The following IFI16 variants were observed in gnomAD, a reference collection of about 807,000 sequenced individuals.
IFI16 encodes the protein interferon gamma inducible protein 16.
IFI16 carries 49 observed loss-of-function variants against 68.4 expected under a neutral mutation model. The ratio of observed to expected loss-of-function variants is 0.72; its 90% CI spans 0.57 to 0.91. IFI16 has a LOEUF of 0.91. Among genes scored for constraint, IFI16 ranks in the 40% least tolerant of loss-of-function variants. The probability of loss-of-function intolerance (pLI) is 0.00; values close to 1 mark genes in which losing one functional copy is unlikely to be tolerated. For synonymous variants in IFI16, 307 were observed against 315.0 expected (o/e 0.97, Z 0.27); for missense variants, 878 against 942.9 (o/e 0.93, Z 0.90).
chr1:159,012,021 G>GATAT, intron 1 of IFI16, among the ~76,000 whole-genome samples: 1 of 151,884 alleles, frequency 6.6e-6, no homozygotes, highest in Non-Finnish European at 1.5e-5. Context: ...TATTTGATCA[G>GATAT]GGTTTTCTTT....
At chr1:159,024,897 T>C (rs1014904408) in intron 6 of IFI16, among the ~76,000 whole-genome samples, 5 of 152,170 alleles carry the variant, frequency 3.3e-5, no homozygotes, top group Admixed American at 6.5e-5. Context: ...AGAAGATGTT[T>C]TCTTGACTCA....
At chr1:159,001,862 C>T (rs180726659), upstream of IFI16, among the ~76,000 whole-genome samples, 11 of 152,232 alleles carry the variant, frequency 7.2e-5, no homozygotes, top group Admixed American at 2.6e-4. Flanking sequence ...AAAATGTATA[C>T]CCAAAGAAAA....
At chr1:159,046,834 T>C (rs1655017797) in intron 8 of IFI16, among the ~76,000 whole-genome samples, 1 of 151,414 alleles carries the variant, frequency 6.6e-6, no homozygotes, top group African/African-American at 2.4e-5. Context: ...GGTACCTTTC[T>C]ATTTCTTTAG....
chr1:159,037,004 AG>A (rs1654362324), intron 7 of IFI16, among the ~76,000 whole-genome samples: 1 of 152,174 alleles, frequency 6.6e-6, no homozygotes. Flanking sequence ...TGTCGTATAG[AG>A]CTACCTATCA....
At chr1:159,031,421 C>T (rs1432877280) in intron 6 of IFI16, among the ~76,000 whole-genome samples, 1 of 152,178 alleles carries the variant, frequency 6.6e-6, no homozygotes, top group East Asian at 1.9e-4. Flanking sequence ...GTGGTATTTC[C>T]CCAATTCTAC....
chr1:159,010,346 G>A, intron 1 of IFI16, among the ~76,000 whole-genome samples, 185 bp downstream of exon 1: 1 of 152,254 alleles, frequency 6.6e-6, no homozygotes. Context: ...AAGATAACAG[G>A]CATCTTCTAT....
intron 6 of IFI16, among the ~76,000 whole-genome samples, chr1:159,030,152 AT>A (rs200664645): frequency 2.2e-5 from 3 of 135,774 alleles, no homozygotes; most frequent in African/African-American, 1.0e-4. Context: ...AGAAGTTGTG[AT>A]TTTTTTTTAT....
upstream of IFI16, among the ~76,000 whole-genome samples, chr1:159,005,316 CAGG>C (rs1486724282): frequency 6.6e-6 from 1 of 152,192 alleles, no homozygotes; most frequent in African/African-American, 2.4e-5. Flanking sequence ...GGTCAGAGAA[CAGG>C]AGTTTTCATG....
intron 6 of IFI16, among the ~76,000 whole-genome samples, chr1:159,021,056 A>G (rs962715269): frequency 2.6e-5 from 4 of 152,214 alleles, no homozygotes; most frequent in African/African-American, 9.7e-5. Context: ...GTTTCCTTAC[A>G]GTACATGATT....
chr1:159,020,284 A>G lies in IFI16; in HGVS notation c.973-57A>G, dbSNP rs145566327. On this transcript the variant is annotated intron_variant, in intron 5 of 11. Coordinates refer to ENST00000295809, the MANE Select transcript of IFI16 (RefSeq NM_001376587.1). ...ACTCTCTTAGAAGGGACTTCAGCCT[A>G]TATGTGGTTGTTATTAATTACATTC... is the stretch of plus-strand genomic sequence containing the variant. The G allele has an allele frequency of 5.2e-3, 6,684 of 1,289,838 alleles. 24 individuals carry two copies. Among genetic ancestry groups the G allele is most frequent in the Non-Finnish European group, 6.2e-3 (5,576 of 898,162 alleles). The allele number at this position is 1,289,838 out of a possible 1,614,324, so 79.9% of individuals were successfully genotyped here.
At chr1:159,011,187 C>G (rs1652533352) in intron 1 of IFI16, among the ~76,000 whole-genome samples, 1 of 152,064 alleles carries the variant, frequency 6.6e-6, no homozygotes, top group Non-Finnish European at 1.5e-5. Flanking sequence ...AGTTCCAGAC[C>G]AGCCTGGCCA....
At chr1:159,052,972 G>A (rs1361593166) in intron 10 of IFI16, 1 of 152,382 alleles carries the variant, frequency 6.6e-6, no homozygotes, top group East Asian at 1.9e-4. Context: ...TGTGGTTGTA[G>A]AGTTAATGAA....
chr1:159,025,590 G>T (rs1451229446), intron 6 of IFI16, among the ~76,000 whole-genome samples: 1 of 152,220 alleles, frequency 6.6e-6, no homozygotes, highest in South Asian at 2.1e-4. Flanking sequence ...TTTGTCAGAT[G>T]CATAGTTTGT....
chr1:159,024,143 A>T (rs1368843234), intron 6 of IFI16, among the ~76,000 whole-genome samples: 2 of 152,234 alleles, frequency 1.3e-5, no homozygotes, highest in Non-Finnish European at 2.9e-5. Context: ...CATTCCAGCC[A>T]GGCATTTGCA....
rs531643818 is a variant in IFI16 at position 159,026,385 on chromosome 1, G to A, written c.1161+5856G>A. Reference sequence around the variant, plus strand: ...GCGATCTTGGCTCACTGCAACCTCTGTCTCCCGGGTTCAAGCGATTCTCCT... The same window carrying A: ...GCGATCTTGGCTCACTGCAACCTCTATCTCCCGGGTTCAAGCGATTCTCCT... On this transcript the variant is annotated intron_variant, in intron 6 of 11. Coordinates refer to ENST00000295809, the MANE Select transcript of IFI16 (RefSeq NM_001376587.1). Among the ~76,000 whole-genome samples the A allele has an allele frequency of 6.7e-5, 10 of 150,056 alleles. No individual in the cohort carries two copies. The East Asian group carries it at 2.0e-3, about 30-fold the overall frequency.
At chr1:159,036,459 C>G (rs1654334971) in intron 7 of IFI16, among the ~76,000 whole-genome samples, 1 of 152,206 alleles carries the variant, frequency 6.6e-6, no homozygotes, top group Non-Finnish European at 1.5e-5. Context: ...TAAAACTTTA[C>G]TCAAGCTGAT....
intron 1 of IFI16, among the ~76,000 whole-genome samples, chr1:159,000,725 G>A (rs1652026948): frequency 6.6e-6 from 1 of 152,088 alleles, no homozygotes; most frequent in South Asian, 2.1e-4. Context: ...GGAATCATAT[G>A]GTTTGGATAT....
chr1:159,020,761 A>T (rs1243718326), intron 6 of IFI16, among the ~76,000 whole-genome samples: 2 of 152,126 alleles, frequency 1.3e-5, no homozygotes, highest in African/African-American at 2.4e-5. Flanking sequence ...AAAAAAATTG[A>T]ACTCTGAATT....
At chr1:159,046,196 A>C (rs1181409974) in intron 8 of IFI16, among the ~76,000 whole-genome samples, 1 of 151,224 alleles carries the variant, frequency 6.6e-6, no homozygotes, top group Non-Finnish European at 1.5e-5. Flanking sequence ...TGAACATAGT[A>C]AGAACAAATG....
Sources: allele counts gnomAD v4.1 joint callset (sites outside exome capture counted in the v4.1 genomes callset), GRCh38; gene constraint gnomAD v4.1.1; transcripts MANE v1.5; gene names NCBI Gene and HGNC (gene_info 2026-07-23, HGNC 2026-07-21).